Variants in PIGN observed in about 807,000 individuals in gnomAD.
PIGN encodes phosphatidylinositol glycan anchor biosynthesis class N, also known as GPI ethanolamine phosphate transferase 1.
A neutral mutation model predicts 125.4 loss-of-function variants in PIGN; 117 were observed. The observed-to-expected ratio is 0.93, with a 90% CI of 0.80 to 1.09. PIGN has a LOEUF of 1.09. Ranked by LOEUF, PIGN falls within the 50% of genes least tolerant of loss-of-function variation. The pLI, the probability that PIGN is intolerant of heterozygous loss-of-function variation, is 0.00. For synonymous variants in PIGN, 392 were observed against 377.8 expected, an observed-to-expected ratio of 1.04 and a Z score of -0.44; for missense variants, 1,075 against 1,094.9, an observed-to-expected ratio of 0.98 and a Z score of 0.26.
At chr18:62,111,782 T>C (rs1211741696) in intron 16 of PIGN, among the ~76,000 whole-genome samples, 4 of 152,166 alleles carry the variant, frequency 2.6e-5, no homozygotes, top group African/African-American at 9.7e-5. Flanking sequence ...AGGACAATTA[T>C]TCTTTTTCCA....
intron 30 of PIGN, among the ~76,000 whole-genome samples, chr18:62,065,673 A>G (rs1022879761): frequency 2.0e-5 from 3 of 151,946 alleles, no homozygotes; most frequent in East Asian, 1.9e-4. Flanking sequence ...CGGGAGACAG[A>G]GCTTGTGAGC....
At chr18:62,130,578 ATTAC>A (rs1372319962) in intron 14 of PIGN, among the ~76,000 whole-genome samples, 1 of 152,234 alleles carries the variant, frequency 6.6e-6, no homozygotes, top group East Asian at 1.9e-4. Context: ...ATCTGTGCAC[ATTAC>A]TTTGCTGTAA....
chr18:62,137,853 T>C (rs890108309), intron 14 of PIGN: 1 of 168,764 alleles, frequency 5.9e-6, no homozygotes, highest in African/African-American at 2.4e-5. Context: ...CTTAGTAACA[T>C]TCATCTTTGT....
chr18:62,112,234 C>T (rs1288669392), intron 16 of PIGN, among the ~76,000 whole-genome samples: 1 of 152,076 alleles, frequency 6.6e-6, no homozygotes, highest in Non-Finnish European at 1.5e-5. Flanking sequence ...TACATTAAAG[C>T]ATTATACAAA....
intron 7 of PIGN, chr18:62,154,335 C>T (rs1326451100): frequency 2.0e-6 from 1 of 494,428 alleles, no homozygotes; most frequent in Admixed American, 4.1e-5. Context: ...TAATCTAGGG[C>T]TCATTTTACT....
chr18:62,076,540 C>G lies in PIGN; in HGVS notation c.2577-1719G>C, dbSNP rs187434458. Among the ~76,000 whole-genome samples the G allele has an allele frequency of 8.9e-3, 1,359 of 152,200 alleles. 11 individuals are homozygous for G. The highest frequency in any genetic ancestry group is 0.014 in the Non-Finnish European group (980 of 68,000). Reference sequence around the variant, plus strand: ...TATCAATTTTTCCTTTAATGGGTTACAATTTTGATGTCAAGCCTAACTCTT... The same window carrying G: ...TATCAATTTTTCCTTTAATGGGTTAGAATTTTGATGTCAAGCCTAACTCTT... On this transcript the variant is annotated intron_variant, in intron 28 of 30. Transcript: ENST00000640252.
intron 1 of PIGN, among the ~76,000 whole-genome samples, chr18:62,182,954 G>T (rs72947205): frequency 0.17 from 26,103 of 152,100 alleles, 2,820 homozygotes; most frequent in Middle Eastern, 0.29. Context: ...CACAGCGGGG[G>T]GCAATTGTAG....
chr18:62,035,042 G>A (rs1012507236), intron 23 of PIGN, among the ~76,000 whole-genome samples: 1 of 152,154 alleles, frequency 6.6e-6, no homozygotes, highest in Non-Finnish European at 1.5e-5. Flanking sequence ...GGTTTCTCCT[G>A]TGCTGTTCTC....
At chr18:62,140,578 TG>T in intron 11 of PIGN, 99 bp from the exon 12 acceptor site, 1 of 610,080 alleles carries the variant, frequency 1.6e-6, no homozygotes, top group Non-Finnish European at 3.0e-6. Flanking sequence ...CCATGATATT[TG>T]TTATAATCAG....
intron 1 of PIGN, among the ~76,000 whole-genome samples, chr18:62,174,819 T>C (rs1361878996): frequency 1.3e-5 from 2 of 151,564 alleles, no homozygotes; most frequent in Admixed American, 1.3e-4. Flanking sequence ...GAAAAATGAA[T>C]GTCCTATACA....
chr18:62,108,381 T>C (rs899817901), intron 17 of PIGN, among the ~76,000 whole-genome samples: 1 of 152,052 alleles, frequency 6.6e-6, no homozygotes, highest in Non-Finnish European at 1.5e-5. Flanking sequence ...CTGTACTAGA[T>C]ACAATTTTCT....
intron 25 of PIGN, among the ~76,000 whole-genome samples, chr18:62,086,027 T>C (rs2033681829): frequency 6.6e-6 from 1 of 152,218 alleles, no homozygotes; most frequent in Non-Finnish European, 1.5e-5. Context: ...CTTTAATGTA[T>C]TCATGCATTC....
At chr18:62,074,252 T>G (rs1249347193) in intron 29 of PIGN, among the ~76,000 whole-genome samples, 2 of 152,222 alleles carry the variant, frequency 1.3e-5, no homozygotes, top group Non-Finnish European at 2.9e-5. Context: ...AGGGTGGTCT[T>G]GGGAACTCCC....
Position 62,051,177 on chromosome 18 carries a change from C to A in PIGN, c.2673-5198G>T, listed in dbSNP as rs1256505079. ...CTAAAATTCTCTTTTTTGGTTGTGT[C>A]TCTGCCCGGCTTTGGTATCAGGATG... On this transcript the variant is annotated intron_variant, in intron 30 of 30. Transcript: ENST00000640252. Among the ~76,000 whole-genome samples, 7 of 151,578 alleles carry A rather than the reference C, an allele frequency of 4.6e-5. No homozygotes were observed. In the East Asian group the frequency reaches 1.4e-3, roughly 30 times the overall value.
At chr18:62,108,393 CAA>C (rs1165436489) in intron 17 of PIGN, among the ~76,000 whole-genome samples, 3 of 151,946 alleles carry the variant, frequency 2.0e-5, no homozygotes, top group African/African-American at 7.2e-5. Context: ...CAATTTTCTG[CAA>C]AGACAAAACC....
intron 21 of PIGN, among the ~76,000 whole-genome samples, chr18:62,101,637 C>G (rs1218059879): frequency 6.6e-6 from 1 of 152,118 alleles, no homozygotes; most frequent in Non-Finnish European, 1.5e-5. Flanking sequence ...CTGTTGCTCT[C>G]CAAAAATGAA....
In PIGN at chr18:62,073,416, G is replaced by T. The variant is rs140297271; in HGVS notation, c.2620-691C>A. On this transcript the variant is annotated intron_variant, in intron 29 of 30. Coordinates refer to ENST00000640252, the MANE Select transcript of PIGN (RefSeq NM_176787.5). ...TATATATACATCAAGAGTCCAGAGA[G>T]AGCTTGGTAGTGTCAAAGGGAGGAT... is the stretch of plus-strand genomic sequence containing the variant. Among the ~76,000 whole-genome samples the T allele has an allele frequency of 4.2e-3, 641 of 152,238 alleles. 7 individuals carry two copies. Among genetic ancestry groups the T allele is most frequent in the African/African-American group, 0.015 (615 of 41,536 alleles).
intron 4 of PIGN, among the ~76,000 whole-genome samples, chr18:62,160,663 A>AC (rs1417364986): frequency 6.6e-6 from 1 of 151,002 alleles, no homozygotes; most frequent in Non-Finnish European, 1.5e-5. Context: ...ATGTGCCACC[A>AC]CCCCCAGCTA....
chr18:62,059,241 G>A (rs1272661377), intron 30 of PIGN: 1 of 144,120 alleles, frequency 6.9e-6, no homozygotes, highest in African/African-American at 2.5e-5. Flanking sequence ...ACCAAAGTTT[G>A]TAGTCAGAGA....
Sources: allele counts gnomAD v4.1 joint callset (sites outside exome capture counted in the v4.1 genomes callset), GRCh38; gene constraint gnomAD v4.1.1; transcripts MANE v1.5; gene names NCBI Gene and HGNC (gene_info 2026-07-23, HGNC 2026-07-21).